SYT14: variants seen among roughly 807,000 people sequenced by gnomAD.
SYT14 encodes the protein synaptotagmin 14, also known as synaptotagmin-14.
In SYT14, 32 loss-of-function variants were observed where a neutral mutation model predicts 74.2. The observed-to-expected ratio is 0.43, with a 90% CI of 0.33 to 0.58. The LOEUF is 0.58. Among genes scored for constraint, SYT14 ranks in the 20% least tolerant of loss-of-function variants. The pLI, the probability that SYT14 is intolerant of heterozygous loss-of-function variation, is 0.05. For missense variants in SYT14, 791 were observed against 981.8 expected (o/e 0.81, Z 2.60); for synonymous variants, 298 against 337.7 (o/e 0.88, Z 1.29).
At chr1:210,013,135 A>G (rs979550681) in intron 2 of SYT14, among the ~76,000 whole-genome samples, 32 of 149,810 alleles carry the variant, frequency 2.1e-4, no homozygotes, top group African/African-American at 7.9e-4. Flanking sequence ...GGCTGGCACA[A>G]TCTCGGCTCA....
chr1:209,947,323 T>G (rs143320904), intron 1 of SYT14, among the ~76,000 whole-genome samples: 65 of 152,348 alleles, frequency 4.3e-4, no homozygotes, highest in African/African-American at 1.4e-3. Flanking sequence ...TTGAAAACTT[T>G]CTGGAAAGGA....
chr1:210,167,574 C>A (rs540005725), exon 10 of SYT14: 1 of 152,152 alleles, frequency 6.6e-6, no homozygotes, highest in East Asian at 1.9e-4. Flanking sequence ...TCTTTTCCCC[C>A]ACAAAGATAT....
At chr1:209,947,708 G>C (rs2078844752) in intron 1 of SYT14, among the ~76,000 whole-genome samples, 1 of 152,146 alleles carries the variant, frequency 6.6e-6, no homozygotes, top group African/African-American at 2.4e-5. Context: ...GAAACTGTAG[G>C]GTTTGAGAGG....
chr1:210,023,272 G>A (rs2080339982), intron 5 of SYT14, among the ~76,000 whole-genome samples: 1 of 152,154 alleles, frequency 6.6e-6, no homozygotes, highest in Non-Finnish European at 1.5e-5. Flanking sequence ...AAATCAGTGA[G>A]TATATACGTA....
At chr1:209,976,777 G>A (rs907529200) in intron 2 of SYT14, among the ~76,000 whole-genome samples, 11 of 152,174 alleles carry the variant, frequency 7.2e-5, no homozygotes, top group Non-Finnish European at 1.2e-4. Flanking sequence ...TTCTGTCTTC[G>A]TTGATCTGTC....
chr1:210,016,137 A>T (rs1369648568), exon 4 of SYT14: 1 of 1,232,052 alleles, frequency 8.1e-7, no homozygotes, highest in Non-Finnish European at 1.0e-6. Flanking sequence ...TCAGTTGCTG[A>T]GCAGGTAACA....
intron 7 of SYT14, among the ~76,000 whole-genome samples, chr1:210,106,963 C>A (rs1170040504): frequency 1.3e-5 from 2 of 152,208 alleles, no homozygotes; most frequent in Non-Finnish European, 2.9e-5. Flanking sequence ...TTAGTTACTT[C>A]TTAGATGCAA....
At chr1:210,099,514 A>G (rs1270281097) in intron 6 of SYT14, among the ~76,000 whole-genome samples, 1 of 152,196 alleles carries the variant, frequency 6.6e-6, no homozygotes, top group Non-Finnish European at 1.5e-5. Flanking sequence ...TTTTAAGTCT[A>G]AATATCTTTA....
At chr1:210,018,933 C>A (rs1018888616) in intron 4 of SYT14, among the ~76,000 whole-genome samples, 1 of 151,834 alleles carries the variant, frequency 6.6e-6, no homozygotes, top group Non-Finnish European at 1.5e-5. Flanking sequence ...GTCAAGAGAT[C>A]GAGACCATCC....
chr1:209,976,947 T>TA (rs2079377311), intron 2 of SYT14, among the ~76,000 whole-genome samples: 1 of 152,194 alleles, frequency 6.6e-6, no homozygotes, highest in Non-Finnish European at 1.5e-5. Flanking sequence ...TTGATCCCTT[T>TA]ACCATTATGT....
At chr1:210,073,125 A>G (rs910552291) in intron 5 of SYT14, among the ~76,000 whole-genome samples, 1 of 151,940 alleles carries the variant, frequency 6.6e-6, no homozygotes, top group Non-Finnish European at 1.5e-5. Context: ...CTAACATTAT[A>G]CAACCTTTTC....
chr1:210,023,488 C>G (rs1038209751), intron 5 of SYT14, among the ~76,000 whole-genome samples: 13 of 152,054 alleles, frequency 8.5e-5, no homozygotes, highest in African/African-American at 3.1e-4. Flanking sequence ...GGATTACAGG[C>G]GCCTGCCACC....
At chr1:210,060,265 C>T (rs701948) in intron 5 of SYT14, among the ~76,000 whole-genome samples, 52,123 of 151,846 alleles carry the variant, frequency 0.34, 9,913 homozygotes, top group Non-Finnish European at 0.42. Flanking sequence ...TTAGGCAATG[C>T]GATCTAAGGT....
At chr1:210,056,928 T>A (rs538321994) in intron 5 of SYT14, among the ~76,000 whole-genome samples, 7 of 151,844 alleles carry the variant, frequency 4.6e-5, no homozygotes, top group Non-Finnish European at 1.0e-4. Context: ...CACTGCAACC[T>A]CCACCTCCCA....
intron 2 of SYT14, among the ~76,000 whole-genome samples, chr1:209,964,380 A>T (rs1409339661): frequency 1.3e-5 from 2 of 152,182 alleles, no homozygotes; most frequent in African/African-American, 4.8e-5. Flanking sequence ...GTGAAAATGG[A>T]TTAATACAGT....
At chr1:210,060,933 T>G (rs2081197202) in intron 5 of SYT14, among the ~76,000 whole-genome samples, 1 of 152,052 alleles carries the variant, frequency 6.6e-6, no homozygotes, top group African/African-American at 2.4e-5. Flanking sequence ...CTTAATCAAT[T>G]AAGACATCTT....
chr1:210,085,226 T>C (rs1018677020), intron 5 of SYT14, among the ~76,000 whole-genome samples: 1 of 152,248 alleles, frequency 6.6e-6, no homozygotes, highest in Admixed American at 6.5e-5. Flanking sequence ...TTTTAAAATA[T>C]TGATCACATT....
intron 2 of SYT14, among the ~76,000 whole-genome samples, chr1:209,973,377 A>G (rs557575743): frequency 7.2e-4 from 109 of 151,878 alleles, no homozygotes; most frequent in Non-Finnish European, 1.1e-3. Flanking sequence ...TCACCCCACA[A>G]CAGACCCCGG....
chr1:210,036,454 A>G (rs1401278455), intron 5 of SYT14, among the ~76,000 whole-genome samples: 1 of 152,000 alleles, frequency 6.6e-6, no homozygotes, highest in Non-Finnish European at 1.5e-5. Flanking sequence ...TCTGCCTAGG[A>G]CTTCCCAGTA....
Sources: gnomAD v4.1 joint callset for allele counts (sites outside exome capture counted in the v4.1 genomes callset) on GRCh38, gnomAD v4.1.1 for gene constraint, MANE v1.5 for transcripts, NCBI Gene and HGNC (gene_info 2026-07-23, HGNC 2026-07-21) for gene names.